Variants in LMAN1L observed in about 807,000 individuals in gnomAD.
LMAN1L encodes the protein protein ERGIC-53-like.
In LMAN1L, 60 loss-of-function variants were observed where a neutral mutation model predicts 58.3. The ratio of observed to expected loss-of-function variants is 1.03; its 90% CI spans 0.84 to 1.27. The LOEUF is 1.27. Among genes scored for constraint, LMAN1L ranks in the 50% most tolerant of loss-of-function variants. The pLI is 0.00. For missense variants in LMAN1L, 629 were observed against 674.0 expected, an observed-to-expected ratio of 0.93 and a Z score of 0.74; for synonymous variants, 280 against 271.6, an observed-to-expected ratio of 1.03 and a Z score of -0.31.
chr15:74,816,117 G>C (rs1269267738), intron 1 of LMAN1L, 40 bp from the exon 2 acceptor site: 1 of 1,532,466 alleles, frequency 6.5e-7, no homozygotes, highest in African/African-American at 1.4e-5. Context: ...GGGAGATGGG[G>C]TGTAGTGGAG....
rs1376794146 is a variant in LMAN1L, at chr15:74,820,704, A to G, written c.844A>G (p.Arg282Gly). ...LARQLEGLWA[R>G]LGLGTREDVT... The stretch of plus-strand genomic sequence containing the variant: ...GAGGCAGCTGGAAGGGCTGTGGGCA[A>G]GGCTGGGCTTGGGCACCAGGGAGGA... The change falls in exon 8 of 14, where the codon AGG (arginine) becomes GGG (glycine). Residue 282 changes from arginine to glycine, a missense_variant. Transcript: ENST00000309664. 6.2e-7 allele frequency: 1 copy of G among 1,613,824 alleles called. No individual in the cohort carries two copies. The highest frequency in any genetic ancestry group is 8.5e-7 in the Non-Finnish European group (1 of 1,180,022).
At chr15:74,823,315 A>T (rs755806497) in intron 11 of LMAN1L, among the ~76,000 whole-genome samples, 9 of 152,104 alleles carry the variant, frequency 5.9e-5, no homozygotes, top group Non-Finnish European at 1.3e-4. Flanking sequence ...CTGGGAATGG[A>T]AGGCAGAGCC....
At chr15:74,818,938 C>T (rs1046025449) in intron 5 of LMAN1L, 121 bp downstream of exon 5, 118 of 1,016,522 alleles carry the variant, frequency 1.2e-4, no homozygotes, top group Non-Finnish European at 1.7e-4. Flanking sequence ...ACACACGGGC[C>T]AACATCCACA....
In LMAN1L at chr15:74,819,941, C is replaced by A. The variant is rs1036242848; in HGVS notation, c.719-103C>A. 339 of 1,087,226 alleles carry A rather than the reference C, an allele frequency of 3.1e-4. 1 individual carries two copies. Among genetic ancestry groups the A allele is most frequent in the Middle Eastern group, 2.0e-4 (1 of 5,040 alleles). 67.3% of individuals were successfully genotyped at this position (1,087,226 alleles called of 1,614,324 possible). A position where few individuals can be genotyped will look rare whatever the true frequency, so the allele number is the denominator to read the frequency against. ...AGCATCAGACGGTGGCCCAAAGTCA[C>A]CCCTCTTGCCTCGGTGGGATATCAT... On this transcript the variant is annotated intron_variant, in intron 6 of 13. Coordinates refer to ENST00000309664, the MANE Select transcript of LMAN1L (RefSeq NM_021819.3).
chr15:74,819,427 T>A, intron 6 of LMAN1L, 155 bp downstream of exon 6: 1 of 941,592 alleles, frequency 1.1e-6, no homozygotes, highest in Non-Finnish European at 1.6e-6. Flanking sequence ...GCCTTGAGAC[T>A]TGCAAGTCTC....
chr15:74,819,168 GCCTCACTC>G lies in LMAN1L; in HGVS notation c.617_624del (p.Leu206GlnfsTer2). On this transcript the variant is annotated frameshift_variant, in exon 6 of 14. Coordinates refer to ENST00000309664, the MANE Select transcript of LMAN1L (RefSeq NM_021819.3). LOFTEE classifies it high-confidence loss of function. ...GTCCCTCAGATGTCCTTGAACAGTG[GCCTCACTC>G]CCAGTGATCCAGGTGAGTTCTGTGT... 6.2e-7 allele frequency: 1 copy of G among 1,613,080 alleles called. No individual in the cohort carries two copies. The highest frequency in any genetic ancestry group is 8.5e-7 in the Non-Finnish European group (1 of 1,179,436).
chr15:74,822,787 A>C, intron 11 of LMAN1L, 78 bp downstream of exon 11: 1 of 1,105,046 alleles, frequency 9.0e-7, no homozygotes, highest in Non-Finnish European at 1.4e-6. Context: ...CATTCCTTCC[A>C]TCATTTCCTG....
In LMAN1L at chr15:74,819,253, A is replaced by G. The variant is rs1331674472; in HGVS notation, c.699A>G (p.Ala233=). 6.2e-7 allele frequency: 1 copy of G among 1,614,160 alleles called. No individual in the cohort carries two copies. Among genetic ancestry groups the G allele is most frequent in the Non-Finnish European group, 8.5e-7 (1 of 1,180,000 alleles). Residue 233 remains alanine (A), a synonymous_variant, in exon 6 of 14, where the codon GCA becomes GCG. Coordinates refer to ENST00000309664, the MANE Select transcript of LMAN1L (RefSeq NM_021819.3). The part of the protein sequence containing the change: ...LVPGGFFGVS[A]ATGTLADDHD... ...CTGGAGGTTTCTTTGGGGTCTCAGC[A>G]GCCACCGGCACCCTGGCAGGTGAGG...
chr15:74,813,517 G>C (rs1488132535), intron 1 of LMAN1L: 2 of 455,514 alleles, frequency 4.4e-6, no homozygotes, highest in African/African-American at 4.0e-5. Context: ...TGTGTGTTGT[G>C]GGTGGAAGCA....
In LMAN1L at chr15:74,821,136, G is replaced by T; in HGVS notation, c.969G>T (p.Leu323=). The change falls in exon 9 of 14, where the codon CTG becomes CTT. Residue 323 remains leucine (L), a synonymous_variant. Transcript: ENST00000309664. ...LGRHRRILQA[L]RGLSKQLAQA... is the part of the protein sequence containing the mutation. ...GACACCGCCGGATCCTGCAGGCTCT[G>T]CGGGGTCTCTCCAAGCAGCTGGCCC... is the stretch of plus-strand genomic sequence containing the variant. 1 of 1,561,096 alleles carries T rather than the reference G, an allele frequency of 6.4e-7. No individual in the cohort carries two copies. Among genetic ancestry groups the T allele is most frequent in the Non-Finnish European group, 8.7e-7 (1 of 1,152,558 alleles).
In LMAN1L at chr15:74,816,176, G is replaced by A; in HGVS notation, c.195G>A (p.Glu65=). Residue 65 remains glutamate (E), a synonymous_variant, in exon 2 of 14, where the codon GAG becomes GAA. Transcript: ENST00000309664. ...SHHGDAILGL[E]EVRLTPSMRN... ...CCACAGACGCCATCCTGGGCCTGGAGGAAGTGCGGCTGACGCCATCCATGA... is the reference window on the plus strand; with the variant it reads ...CCACAGACGCCATCCTGGGCCTGGAAGAAGTGCGGCTGACGCCATCCATGA... 6.4e-7 allele frequency: 1 copy of A among 1,552,228 alleles called. No homozygotes were observed. Among genetic ancestry groups the A allele is most frequent in the Non-Finnish European group, 8.7e-7 (1 of 1,148,488 alleles).
At chr15:74,818,124 C>T (rs1381074498) in intron 4 of LMAN1L, among the ~76,000 whole-genome samples, 1 of 152,060 alleles carries the variant, frequency 6.6e-6, no homozygotes, top group Admixed American at 6.5e-5. Flanking sequence ...TTGGTCCAGG[C>T]CTTTGTCCCC....
rs758504277 is a variant in LMAN1L at position 74,812,895 on chromosome 15, T to G, written c.41T>G (p.Leu14Arg). The G allele has an allele frequency of 3.2e-5, 52 of 1,612,944 alleles. No homozygotes were observed. The highest frequency in any genetic ancestry group is 4.2e-5 in the Non-Finnish European group (49 of 1,179,420). ...GGTCCAGGTCCCTTATTCTGCCTTC[T>G]CCTCCTGCTCCTGGACCCCCACAGC... Reference protein sequence around the residue: ...VSGPGPLFCLLLLLLDPHSPE... With the variant: ...VSGPGPLFCLRLLLLDPHSPE... Residue 14 changes from leucine (L) to arginine (R), a missense_variant, in exon 1 of 14, where the codon CTC becomes CGC. Physicochemically the swap from Leu to Arg is moderately radical, Grantham distance 102. Transcript: ENST00000309664.
At chr15:74,823,731 G>C (rs369545117) in intron 12 of LMAN1L, 49 bp downstream of exon 12, 1 of 1,593,812 alleles carries the variant, frequency 6.3e-7, no homozygotes, top group African/African-American at 1.3e-5. Context: ...TTGACGTCTG[G>C]GCTCAGCCAC....
chr15:74,816,387 C>T (rs1346445984), intron 2 of LMAN1L, 40 bp from the exon 3 acceptor site: 1 of 1,588,728 alleles, frequency 6.3e-7, no homozygotes, highest in African/African-American at 1.3e-5. Flanking sequence ...GTCCCAGTAT[C>T]CCACACGGTT....
At chr15:74,823,723 G>C in intron 12 of LMAN1L, 41 bp downstream of exon 12, 2 of 1,600,696 alleles carry the variant, frequency 1.2e-6, no homozygotes, top group Non-Finnish European at 1.7e-6. Context: ...CCCCAACCTT[G>C]ACGTCTGGGC....
At chr15:74,823,840 TGTCC>T in intron 12 of LMAN1L, 158 bp downstream of exon 12, 1 of 759,838 alleles carries the variant, frequency 1.3e-6, no homozygotes, top group Non-Finnish European at 2.1e-6. Context: ...AGTGTCTGTG[TGTCC>T]GTGCATACGT....
chr15:74,815,983 GCC>G (rs1847825467), intron 1 of LMAN1L, among the ~76,000 whole-genome samples, 172 bp from the exon 2 acceptor site: 1 of 152,236 alleles, frequency 6.6e-6, no homozygotes, highest in African/African-American at 2.4e-5. Flanking sequence ...CCCAGCAAAG[GCC>G]CCTCCAGCTG....
intron 13 of LMAN1L, chr15:74,825,256 G>A (rs1175804592): frequency 2.0e-6 from 1 of 508,592 alleles, no homozygotes; most frequent in Admixed American, 2.6e-5. Flanking sequence ...ATGCACAGGA[G>A]TGCAGTGGTG....
Sources: allele counts gnomAD v4.1 joint callset (sites outside exome capture counted in the v4.1 genomes callset), GRCh38; gene constraint gnomAD v4.1.1; transcripts MANE v1.5; gene names NCBI Gene and HGNC (gene_info 2026-07-23, HGNC 2026-07-21).